The following SNX27 variants were observed in gnomAD, a reference collection of about 807,000 sequenced individuals.
SNX27 encodes the protein sorting nexin-27.
A neutral mutation model predicts 71.6 loss-of-function variants in SNX27; 22 were observed. The observed-to-expected ratio is 0.31, with a 90% CI of 0.22 to 0.44. The LOEUF is 0.44. SNX27 is among the 20% of genes least tolerant of loss of function. The pLI is 1.00. For missense variants in SNX27, 531 were observed against 698.6 expected, an observed-to-expected ratio of 0.76 and a Z score of 2.70; for synonymous variants, 269 against 277.2, an observed-to-expected ratio of 0.97 and a Z score of 0.29.
intron 2 of SNX27, among the ~76,000 whole-genome samples, chr1:151,639,618 A>G (rs1668635117): frequency 6.6e-6 from 1 of 152,206 alleles, no homozygotes; most frequent in Admixed American, 6.5e-5. Context: ...CTTTGGAGAT[A>G]TCCGTGTGAA....
At chr1:151,681,613 C>T (rs1670971103) in intron 7 of SNX27, among the ~76,000 whole-genome samples, 1 of 152,124 alleles carries the variant, frequency 6.6e-6, no homozygotes, top group Non-Finnish European at 1.5e-5. Context: ...AAATGCTTTC[C>T]ACCTTGAGTA....
chr1:151,656,098 C>T (rs1211891522), intron 2 of SNX27, among the ~76,000 whole-genome samples: 3 of 151,976 alleles, frequency 2.0e-5, no homozygotes, highest in Non-Finnish European at 4.4e-5. Flanking sequence ...TGGTGGGTGC[C>T]TGTAGTCTCA....
intron 7 of SNX27, among the ~76,000 whole-genome samples, chr1:151,682,716 G>A (rs967982855): frequency 6.6e-6 from 1 of 152,160 alleles, no homozygotes; most frequent in Non-Finnish European, 1.5e-5. Flanking sequence ...GAGAGCACAT[G>A]CAGGGGGAAC....
chr1:151,689,849 A>G (rs1275371420), intron 8 of SNX27, among the ~76,000 whole-genome samples: 1 of 134,680 alleles, frequency 7.4e-6, no homozygotes, highest in Admixed American at 7.9e-5. Context: ...ATCTATATAT[A>G]CTTTTTTTTT....
Position 151,617,878 on chromosome 1 carries a change from GTTTTTTTT to G in SNX27, c.311+5382_311+5389del, listed in dbSNP as rs35075644. ...TTGAATATTTTCTCTTTTTAGAGCT[GTTTTTTTT>G]TTTTTTTTTTTTTTTAAAGAGATAG... On this transcript the variant is annotated intron_variant, in intron 1 of 11. Transcript: ENST00000458013. Among the ~76,000 whole-genome samples the G allele has an allele frequency of 5.2e-5, 6 of 116,394 alleles. No individual in the cohort carries two copies. In the East Asian group the frequency reaches 1.5e-3, roughly 29 times the overall value. 76.4% of individuals were successfully genotyped at this position (116,394 alleles called of 152,430 possible).
chr1:151,694,073 A>G lies in SNX27; in HGVS notation c.1579-297A>G, dbSNP rs545104602. 52 of 1,239,328 alleles carry G rather than the reference A, an allele frequency of 4.2e-5. No individual in the cohort carries two copies. In the South Asian group the frequency reaches 1.3e-3, roughly 30 times the overall value. 76.8% of individuals were successfully genotyped at this position (1,239,328 alleles called of 1,614,324 possible). A position where few individuals can be genotyped will look rare whatever the true frequency, so the allele number is the denominator to read the frequency against. On this transcript the variant is annotated intron_variant, in intron 11 of 11. Transcript: ENST00000458013. ...AGTAGAAAGAACATTGGGCTCTGGG[A>G]ATTTTATCTGGGTTTTCTCCTGGCT...
chr1:151,678,101 G>C (rs1017263898), intron 7 of SNX27: 2 of 152,072 alleles, frequency 1.3e-5, no homozygotes, highest in Non-Finnish European at 2.9e-5. Context: ...TGCGGTCATA[G>C]CTCACCATAA....
chr1:151,654,209 C>G (rs913229606), intron 2 of SNX27, among the ~76,000 whole-genome samples: 1 of 152,184 alleles, frequency 6.6e-6, no homozygotes, highest in African/African-American at 2.4e-5. Flanking sequence ...GACAAGTTCT[C>G]TCTTTACATT....
At chr1:151,632,071 A>C (rs1302155969) in intron 1 of SNX27, among the ~76,000 whole-genome samples, 2 of 152,136 alleles carry the variant, frequency 1.3e-5, no homozygotes, top group Non-Finnish European at 2.9e-5. Context: ...GTGTTTGATG[A>C]ATTTAACTTT....
intron 7 of SNX27, chr1:151,677,448 C>A (rs1670748700): frequency 6.6e-6 from 1 of 152,122 alleles, no homozygotes; most frequent in South Asian, 2.1e-4. Flanking sequence ...ATATCTGATT[C>A]AAGTATAAGC....
chr1:151,688,053 T>C (rs1671266420), intron 8 of SNX27, among the ~76,000 whole-genome samples: 1 of 152,084 alleles, frequency 6.6e-6, no homozygotes, highest in Non-Finnish European at 1.5e-5. Context: ...ACTATACCTG[T>C]CCAATTCTCT....
At chr1:151,674,549 C>G (rs1670585573) in intron 7 of SNX27, among the ~76,000 whole-genome samples, 1 of 152,190 alleles carries the variant, frequency 6.6e-6, no homozygotes, top group Non-Finnish European at 1.5e-5. Context: ...TCAAGCAGCC[C>G]TCTCTCCTCA....
chr1:151,661,215 GA>G (rs1200765429), intron 4 of SNX27: 1 of 204,066 alleles, frequency 4.9e-6, no homozygotes, highest in Non-Finnish European at 1.0e-5. Flanking sequence ...TAGCTTACAA[GA>G]GTGTGAGCTA....
chr1:151,643,255 C>CGCCTG (rs745776947), intron 2 of SNX27, among the ~76,000 whole-genome samples: 34 of 148,022 alleles, frequency 2.3e-4, no homozygotes, highest in Non-Finnish European at 4.2e-4. Context: ...TGAGCAACCA[C>CGCCTG]GCCTGGCCTT....
intron 1 of SNX27, among the ~76,000 whole-genome samples, chr1:151,631,081 G>A (rs999271877): frequency 1.3e-5 from 2 of 152,180 alleles, no homozygotes; most frequent in African/African-American, 4.8e-5. Flanking sequence ...ATAGCAAGGA[G>A]GCAGAGTTAG....
At chr1:151,660,989 T>G in intron 4 of SNX27, 127 bp downstream of exon 4, 1 of 699,040 alleles carries the variant, frequency 1.4e-6, no homozygotes, top group Non-Finnish European at 2.6e-6. Flanking sequence ...TTCTACTTCC[T>G]TTTTATATGT....
chr1:151,668,693 G>A (rs961839038), intron 7 of SNX27, 58 bp downstream of exon 7: 15 of 1,519,656 alleles, frequency 9.9e-6, no homozygotes, highest in African/African-American at 1.4e-5. Flanking sequence ...AATATAGTTG[G>A]TACTTTGCCA....
intron 7 of SNX27, among the ~76,000 whole-genome samples, chr1:151,671,890 A>G (rs943831005): frequency 1.3e-5 from 2 of 152,096 alleles, no homozygotes; most frequent in Non-Finnish European, 2.9e-5. Flanking sequence ...TATCAGTTCT[A>G]ATAGTTTTTC....
intron 1 of SNX27, among the ~76,000 whole-genome samples, chr1:151,621,484 C>G (rs747383743): frequency 2.0e-5 from 3 of 152,164 alleles, no homozygotes; most frequent in Non-Finnish European, 4.4e-5. Flanking sequence ...TTGTGTCAAA[C>G]CTCAGAGCAA....
Sources: gnomAD v4.1 joint callset for allele counts (sites outside exome capture counted in the v4.1 genomes callset) on GRCh38, gnomAD v4.1.1 for gene constraint, MANE v1.5 for transcripts, NCBI Gene and HGNC (gene_info 2026-07-23, HGNC 2026-07-21) for gene names.